The following PTPRQ variants were observed in gnomAD, a reference collection of about 807,000 sequenced individuals.
PTPRQ encodes the protein phosphatidylinositol phosphatase PTPRQ.
Under a neutral mutation model 246.0 loss-of-function variants are expected in PTPRQ, and 199 were observed. The ratio of observed to expected loss-of-function variants is 0.81; its 90% CI spans 0.72 to 0.91. PTPRQ has a LOEUF of 0.91. Among genes scored for constraint, PTPRQ ranks in the 40% least tolerant of loss-of-function variants. PTPRQ has a pLI of 0.00. For synonymous variants in PTPRQ, 869 were observed against 853.2 expected (o/e 1.02, Z -0.32); for missense variants, 2,624 against 2,528.4 (o/e 1.04, Z -0.81).
intron 17 of PTPRQ, among the ~76,000 whole-genome samples, chr12:80,527,374 C>T (rs1359728277): frequency 6.6e-6 from 1 of 151,868 alleles, no homozygotes; most frequent in Non-Finnish European, 1.5e-5. Flanking sequence ...GACCCTTTTC[C>T]AAATAAAAAT....
chr12:80,627,033 G>C (rs1899227539), intron 33 of PTPRQ, among the ~76,000 whole-genome samples: 1 of 151,654 alleles, frequency 6.6e-6, no homozygotes, highest in South Asian at 2.1e-4. Flanking sequence ...ATCCCAATGG[G>C]GTGTTTTAAT....
chr12:80,520,873 T>C (rs967200391), intron 17 of PTPRQ, among the ~76,000 whole-genome samples: 8 of 151,848 alleles, frequency 5.3e-5, no homozygotes, highest in Non-Finnish European at 7.4e-5. Flanking sequence ...TGGGTATATA[T>C]CCAGTAATGG....
Position 80,679,485 on chromosome 12 carries a change from C to A in PTPRQ, c.*462C>A, listed in dbSNP as rs1212259973. ...ATAATGATCTGTACTTCCATGTACA[C>A]CCCTGTGTTTTGAATCCTCTGTTTT... is the stretch of plus-strand genomic sequence containing the variant. On this transcript the variant is annotated 3_prime_UTR_variant, in exon 45 of 45. Coordinates refer to ENST00000644991, the MANE Select transcript of PTPRQ (RefSeq NM_001145026.2). The A allele has an allele frequency of 4.6e-5, 7 of 152,898 alleles. No homozygotes were observed. Among genetic ancestry groups the A allele is most frequent in the Admixed American group, 6.5e-5 (1 of 15,314 alleles). The allele number at this position is 152,898 out of a possible 1,614,324, so 9.5% of individuals were successfully genotyped here.
Position 80,507,078 on chromosome 12 carries a change from G to A in PTPRQ, c.2557+408G>A, listed in dbSNP as rs146798374. Reference sequence around the variant, plus strand: ...ATGTAAATGTTCAGCACTTTTTTACGATATTAATGATTAACTTGATAATGA... The same window carrying A: ...ATGTAAATGTTCAGCACTTTTTTACAATATTAATGATTAACTTGATAATGA... On this transcript the variant is annotated intron_variant, in intron 16 of 44. Coordinates refer to ENST00000644991, the MANE Select transcript of PTPRQ (RefSeq NM_001145026.2). Among the ~76,000 whole-genome samples, 5 of 151,918 alleles carry A rather than the reference G, an allele frequency of 3.3e-5. No individual in the cohort carries two copies. The East Asian group carries it at 9.7e-4, about 29-fold the overall frequency.
rs1209878262 is a variant in PTPRQ at position 80,456,100 on chromosome 12, A to C, written c.391-1475A>C. 3.3e-5 allele frequency among the ~76,000 whole-genome samples: 5 copies of C among 152,288 alleles called. No individual in the cohort carries two copies. In the South Asian group the frequency reaches 1.0e-3, roughly 32 times the overall value. On this transcript the variant is annotated intron_variant, in intron 3 of 44. Transcript: ENST00000644991. ...AATATAACATCAATATCTTCTTTGAACCTTGAAAATAATTAAATAGAGAGA... is the reference window on the plus strand; with the variant it reads ...AATATAACATCAATATCTTCTTTGACCCTTGAAAATAATTAAATAGAGAGA...
intron 27 of PTPRQ, among the ~76,000 whole-genome samples, chr12:80,606,188 G>A (rs906344905): frequency 2.0e-5 from 3 of 150,958 alleles, no homozygotes; most frequent in Admixed American, 1.3e-4. Context: ...AGTCCTCCAG[G>A]TCAATACACC....
chr12:80,572,638 G>C (rs1344307952), intron 25 of PTPRQ, among the ~76,000 whole-genome samples: 1 of 152,128 alleles, frequency 6.6e-6, no homozygotes, highest in East Asian at 1.9e-4. Flanking sequence ...TATGATATTG[G>C]CTGTAGACTT....
rs966183403 is a variant in PTPRQ at position 80,496,449 on chromosome 12, T to A, written c.2190T>A (p.Tyr730Ter). 6.4e-7 allele frequency: 1 copy of A among 1,550,658 alleles called. No homozygotes were observed. Among genetic ancestry groups the A allele is most frequent in the Non-Finnish European group, 8.7e-7 (1 of 1,146,440 alleles). The change falls in exon 14 of 45, where the codon TAT becomes TAA. Residue 730 changes from tyrosine to a stop codon, truncating the protein, a stop_gained. Coordinates refer to ENST00000644991, the MANE Select transcript of PTPRQ (RefSeq NM_001145026.2). LOFTEE classifies it high-confidence loss of function. ...ILRNLRPHTL[Y>*]NISVRSYTRF... ...GGAACTTAAGACCTCACACCCTCTA[T>A]AACATTTCTGTAAGGTCTTACACCA...
At position 80,679,037 on chromosome 12, in the gene PTPRQ, A is replaced by G. The variant is rs1386244920; in HGVS notation, c.*14A>G. The G allele has an allele frequency of 6.5e-7, 1 of 1,544,216 alleles. No individual in the cohort carries two copies. Among genetic ancestry groups the G allele is most frequent in the African/African-American group, 1.4e-5 (1 of 72,758 alleles). The stretch of plus-strand genomic sequence containing the variant: ...ACCACTATGTAAATATTCAGACCAA[A>G]GGATACAATTGGAAGAGATTTTTAA... On this transcript the variant is annotated 3_prime_UTR_variant, in exon 45 of 45. Transcript: ENST00000644991.
chr12:80,635,602 A>T (rs971696726), intron 35 of PTPRQ, among the ~76,000 whole-genome samples: 1 of 152,056 alleles, frequency 6.6e-6, no homozygotes, highest in African/African-American at 2.4e-5. Flanking sequence ...TTACCTTCAG[A>T]GGGAAAAGTA....
At position 80,610,451 on chromosome 12, in the gene PTPRQ, G is replaced by A; in HGVS notation, c.4744G>A (p.Glu1582Lys). 1 of 1,485,744 alleles carries A rather than the reference G, an allele frequency of 6.7e-7. No homozygotes were observed. The highest frequency in any genetic ancestry group is 9.0e-7 in the Non-Finnish European group (1 of 1,112,424). 92.0% of individuals were successfully genotyped at this position (1,485,744 alleles called of 1,614,324 possible). The stretch of plus-strand genomic sequence containing the variant: ...TATTTTCCTATAGGTAGATAATGAT[G>A]AATTTAATATATCCTTCATCAAGTC... ...LIDVKSVDND[E>K]FNISFIKSNE... The change falls in exon 28 of 45, where the codon GAA becomes AAA. Residue 1582 changes from glutamate to lysine, a missense_variant. Coordinates refer to ENST00000644991, the MANE Select transcript of PTPRQ (RefSeq NM_001145026.2).
chr12:80,605,034 G>T (rs1482972249), intron 26 of PTPRQ, 25 bp from the exon 27 acceptor site: 1 of 1,527,706 alleles, frequency 6.5e-7, no homozygotes. Context: ...AATGTAGCTA[G>T]ATAATTAATT....
intron 24 of PTPRQ, chr12:80,546,974 A>G (rs1896326466): frequency 3.9e-6 from 1 of 254,162 alleles, no homozygotes; most frequent in Non-Finnish European, 7.3e-6. Flanking sequence ...ATCTGTGAAA[A>G]TTACCTAATT....
chr12:80,521,303 T>G (rs1349390917), intron 17 of PTPRQ, among the ~76,000 whole-genome samples: 10 of 152,114 alleles, frequency 6.6e-5, no homozygotes, highest in Non-Finnish European at 1.2e-4. Flanking sequence ...TTTCTCCCAT[T>G]CTGAAGGTTG....
chr12:80,482,611 G>T (rs75533578), intron 8 of PTPRQ, among the ~76,000 whole-genome samples: 133,761 of 149,704 alleles, frequency 0.89, 60,485 homozygotes, highest in Non-Finnish European at 0.93. Flanking sequence ...GGAGAAAATT[G>T]TCACAACCTA....
At chr12:80,668,708 G>T (rs963176825) in intron 39 of PTPRQ, among the ~76,000 whole-genome samples, 1 of 151,872 alleles carries the variant, frequency 6.6e-6, no homozygotes, top group Non-Finnish European at 1.5e-5. Context: ...CTGCTACAAA[G>T]ACTCAGACTT....
At chr12:80,533,790 C>T (rs1447572233) in intron 17 of PTPRQ, among the ~76,000 whole-genome samples, 2 of 151,890 alleles carry the variant, frequency 1.3e-5, no homozygotes, top group Non-Finnish European at 2.9e-5. Flanking sequence ...ATCATATTAA[C>T]ATTTGATCTA....
chr12:80,489,213 C>T (rs969397525), intron 9 of PTPRQ, among the ~76,000 whole-genome samples: 5 of 151,954 alleles, frequency 3.3e-5, no homozygotes, highest in African/African-American at 7.2e-5. Context: ...TTCATCAGTT[C>T]GTCCTAAGTC....
intron 39 of PTPRQ, among the ~76,000 whole-genome samples, chr12:80,659,792 T>C (rs552929823): frequency 6.6e-6 from 1 of 152,172 alleles, no homozygotes; most frequent in African/African-American, 2.4e-5. Context: ...ACAACGTCAC[T>C]ATGACCCAAT....
Sources: allele counts gnomAD v4.1 joint callset (sites outside exome capture counted in the v4.1 genomes callset), GRCh38; gene constraint gnomAD v4.1.1; transcripts MANE v1.5; gene names NCBI Gene and HGNC (gene_info 2026-07-23, HGNC 2026-07-21).